Variants in PTPN13 observed in about 807,000 individuals in gnomAD.
The protein encoded by PTPN13 is tyrosine-protein phosphatase non-receptor type 13.
Under a neutral mutation model 284.0 loss-of-function variants are expected in PTPN13, and 191 were observed. The ratio of observed to expected loss-of-function variants is 0.67; its 90% CI spans 0.60 to 0.76. PTPN13 has a LOEUF of 0.76. Among genes scored for constraint, PTPN13 ranks in the 30% least tolerant of loss-of-function variants. The probability of loss-of-function intolerance (pLI) is 0.00; values close to 1 mark genes in which losing one functional copy is unlikely to be tolerated. For missense variants in PTPN13, 2,797 were observed against 2,939.9 expected (o/e 0.95, Z 1.12); for synonymous variants, 986 against 1,022.3 (o/e 0.96, Z 0.68).
chr4:86,627,441 C>CTT (rs1721962968), intron 1 of PTPN13, among the ~76,000 whole-genome samples: 1 of 151,886 alleles, frequency 6.6e-6, no homozygotes, highest in Non-Finnish European at 1.5e-5. Context: ...ACACTAAAAA[C>CTT]ATCCAGGCAG....
chr4:86,777,786 G>A (rs28465411), intron 35 of PTPN13, among the ~76,000 whole-genome samples: 2,308 of 151,742 alleles, frequency 0.015, 72 homozygotes, highest in African/African-American at 0.053. Context: ...TTTTCCCCTT[G>A]AACATAGTCT....
Position 86,697,792 on chromosome 4 carries a change from T to C in PTPN13, c.635-3449T>C, listed in dbSNP as rs143956546. On this transcript the variant is annotated intron_variant, in intron 6 of 47. Transcript: ENST00000411767. The stretch of plus-strand genomic sequence containing the variant: ...GTTTACTTCTAAGAGATGTGAATTT[T>C]TGAGTCTGGGTGAATTGAAAGGTAA... Among the ~76,000 whole-genome samples the C allele has an allele frequency of 1.8e-4, 28 of 152,252 alleles. No homozygotes were observed. In the East Asian group the frequency reaches 5.4e-3, roughly 29 times the overall value.
chr4:86,745,025 C>T lies in PTPN13; in HGVS notation c.2547C>T (p.Asp849=), dbSNP rs762990203. The T allele has an allele frequency of 1.2e-6, 2 of 1,605,822 alleles. No individual in the cohort carries two copies. The highest frequency in any genetic ancestry group is 2.2e-5 in the South Asian group (2 of 89,244). The change falls in exon 17 of 48, where the codon GAC becomes GAT. Residue 849 remains aspartate, a synonymous_variant. Transcript: ENST00000411767. ...SDGIKHGFQT[D]NSKICQYLLH... is the part of the protein sequence containing the mutation. ...GAATAAAACATGGCTTCCAGACAGA[C>T]AACAGTAAGATATGCCAGTACCTGC...
intron 3 of PTPN13, among the ~76,000 whole-genome samples, chr4:86,681,350 C>T (rs1728873777): frequency 6.6e-6 from 1 of 152,130 alleles, no homozygotes; most frequent in Admixed American, 6.5e-5. Flanking sequence ...AGTTTTCTCT[C>T]CTACGGAACA....
chr4:86,653,377 A>C (rs1725324963), intron 2 of PTPN13, among the ~76,000 whole-genome samples: 1 of 152,080 alleles, frequency 6.6e-6, no homozygotes, highest in Admixed American at 6.5e-5. Context: ...TTTGTACCCA[A>C]CTTTCTTGAC....
chr4:86,735,091 G>T (rs1735354876), intron 14 of PTPN13, among the ~76,000 whole-genome samples: 1 of 151,824 alleles, frequency 6.6e-6, no homozygotes, highest in South Asian at 2.1e-4. Context: ...ATCCTGTTTT[G>T]GAGTTTAGGA....
At chr4:86,716,235 C>T (rs1732999386) in intron 7 of PTPN13, among the ~76,000 whole-genome samples, 1 of 152,166 alleles carries the variant, frequency 6.6e-6, no homozygotes, top group Non-Finnish European at 1.5e-5. Flanking sequence ...ATTATACCCC[C>T]TCTTTGGCTG....
intron 2 of PTPN13, among the ~76,000 whole-genome samples, chr4:86,656,381 C>G (rs555242265): frequency 6.6e-6 from 1 of 152,150 alleles, no homozygotes; most frequent in Non-Finnish European, 1.5e-5. Flanking sequence ...TTTTATCTAC[C>G]TTTGGTCTTT....
chr4:86,630,974 CATA>C (rs1168686156), intron 1 of PTPN13, among the ~76,000 whole-genome samples: 2 of 152,096 alleles, frequency 1.3e-5, no homozygotes, highest in Non-Finnish European at 2.9e-5. Flanking sequence ...TAACCAAAAA[CATA>C]ATAATGATTC....
intron 2 of PTPN13, among the ~76,000 whole-genome samples, chr4:86,655,011 CT>C (rs1725584477): frequency 6.6e-6 from 1 of 152,094 alleles, no homozygotes; most frequent in South Asian, 2.1e-4. Context: ...TTCTTTGTCT[CT>C]TTTGATCTTT....
intron 1 of PTPN13, among the ~76,000 whole-genome samples, chr4:86,625,564 T>A (rs942628219): frequency 2.0e-5 from 3 of 152,154 alleles, no homozygotes; most frequent in African/African-American, 7.2e-5. Flanking sequence ...GTTTGCTTAT[T>A]TTTTTGTGTG....
At chr4:86,701,882 T>C in intron 7 of PTPN13, 81 bp downstream of exon 7, 4 of 1,338,722 alleles carry the variant, frequency 3.0e-6, no homozygotes, top group Non-Finnish European at 4.0e-6. Flanking sequence ...TATTAAATTA[T>C]TCCACAAGTC....
At chr4:86,617,569 TC>T (rs1370807949) in intron 1 of PTPN13, among the ~76,000 whole-genome samples, 7 of 152,142 alleles carry the variant, frequency 4.6e-5, no homozygotes, top group Non-Finnish European at 5.9e-5. Context: ...ATGCTATCCC[TC>T]CCCCTTCCCC....
At chr4:86,736,482 G>A (rs1024923364) in intron 15 of PTPN13, among the ~76,000 whole-genome samples, 2 of 152,074 alleles carry the variant, frequency 1.3e-5, no homozygotes, top group Non-Finnish European at 2.9e-5. Flanking sequence ...TACCAGCCCT[G>A]TGAAAATTTA....
chr4:86,688,873 AAAG>A, intron 4 of PTPN13, 129 bp from the exon 5 acceptor site: 3 of 619,262 alleles, frequency 4.8e-6, no homozygotes, highest in Non-Finnish European at 7.9e-6. Flanking sequence ...ATGCTGATAA[AAAG>A]GAATTTATTT....
intron 15 of PTPN13, among the ~76,000 whole-genome samples, chr4:86,739,184 G>A (rs186350999): frequency 1.3e-5 from 2 of 152,150 alleles, no homozygotes; most frequent in East Asian, 1.9e-4. Flanking sequence ...GTGAAGTAAG[G>A]GTTGAAATTC....
chr4:86,675,196 G>A (rs1440385816), intron 3 of PTPN13, among the ~76,000 whole-genome samples: 1 of 152,128 alleles, frequency 6.6e-6, no homozygotes, highest in Admixed American at 6.5e-5. Context: ...AGCAATGTTG[G>A]GGATGAAATG....
chr4:86,779,640 G>A (rs553173256), intron 35 of PTPN13, among the ~76,000 whole-genome samples: 39 of 152,216 alleles, frequency 2.6e-4, no homozygotes, highest in African/African-American at 8.9e-4. Flanking sequence ...AAAGAGGTCA[G>A]GACCTTGCAT....
chr4:86,791,895 G>A (rs1284975745), intron 40 of PTPN13, among the ~76,000 whole-genome samples: 1 of 152,128 alleles, frequency 6.6e-6, no homozygotes, highest in Non-Finnish European at 1.5e-5. Flanking sequence ...CACAAAGATG[G>A]GGAGAAACCA....
Sources: allele counts gnomAD v4.1 joint callset (sites outside exome capture counted in the v4.1 genomes callset), GRCh38; gene constraint gnomAD v4.1.1; transcripts MANE v1.5; gene names NCBI Gene and HGNC (gene_info 2026-07-23, HGNC 2026-07-21).